The following NWD1 variants were observed in gnomAD, a reference collection of about 807,000 sequenced individuals.
The protein encoded by NWD1 is NACHT domain- and WD repeat-containing protein 1.
NWD1 carries 129 observed loss-of-function variants against 135.1 expected under a neutral mutation model. The ratio of observed to expected loss-of-function variants is 0.96; its 90% CI spans 0.83 to 1.11. The LOEUF is 1.11. Among genes scored for constraint, NWD1 ranks in the 50% least tolerant of loss-of-function variants. The probability of loss-of-function intolerance (pLI) is 0.00; values close to 1 mark genes in which losing one functional copy is unlikely to be tolerated. For synonymous variants in NWD1, 773 were observed against 786.0 expected, an observed-to-expected ratio of 0.98 and a Z score of 0.28; for missense variants, 1,740 against 1,851.3, an observed-to-expected ratio of 0.94 and a Z score of 1.10.
Position 16,742,848 on chromosome 19 carries a change from A to AT in NWD1, c.199-1567dup, listed in dbSNP as rs1224547896. On this transcript the variant is annotated intron_variant, in intron 4 of 18. Transcript: ENST00000524140. ...ACCATGCCTGGCTATTTTTAAAAAA[A>AT]TTTTTTGTAGAGACAGGGTCTCACT... 4.8e-5 allele frequency among the ~76,000 whole-genome samples: 7 copies of AT among 144,574 alleles called. No homozygotes were observed. The East Asian group carries it at 1.5e-3, about 30-fold the overall frequency. The allele number at this position is 144,574 out of a possible 152,430, so 94.8% of individuals were successfully genotyped here.
chr19:16,796,000 T>C (rs926872150), intron 15 of NWD1, among the ~76,000 whole-genome samples: 5 of 152,150 alleles, frequency 3.3e-5, no homozygotes, highest in African/African-American at 4.8e-5. Context: ...GAGAATTTTA[T>C]TGAGCAACAA....
intron 12 of NWD1, among the ~76,000 whole-genome samples, chr19:16,787,866 G>GTAA (rs1229798018): frequency 7.8e-6 from 1 of 127,402 alleles, no homozygotes; most frequent in African/African-American, 3.0e-5. Flanking sequence ...TCTCAAAATA[G>GTAA]TAATAATAAC....
At chr19:16,762,806 A>G (rs1969072889) in intron 8 of NWD1, among the ~76,000 whole-genome samples, 1 of 149,052 alleles carries the variant, frequency 6.7e-6, no homozygotes, top group Non-Finnish European at 1.5e-5. Context: ...TTCCTTCCTG[A>G]CAGAGTCTTG....
chr19:16,743,658 T>A (rs1968178148), intron 4 of NWD1, among the ~76,000 whole-genome samples: 1 of 144,916 alleles, frequency 6.9e-6, no homozygotes, highest in African/African-American at 2.9e-5. Flanking sequence ...CCATACATAT[T>A]TATTTATTTA....
intron 6 of NWD1, 21 bp downstream of exon 6, chr19:16,750,432 A>G: frequency 1.4e-6 from 2 of 1,470,336 alleles, no homozygotes; most frequent in Non-Finnish European, 1.8e-6. Flanking sequence ...GTGTTTTGAA[A>G]CTCTTATTTA....
Position 16,794,442 on chromosome 19 carries a change from G to C in NWD1, c.3214-21G>C, listed in dbSNP as rs540095557. 5.5e-4 allele frequency: 815 copies of C among 1,474,002 alleles called. 6 individuals are homozygous for C. The South Asian group carries it at 8.4e-3, about 15-fold the overall frequency. 91.3% of individuals were successfully genotyped at this position (1,474,002 alleles called of 1,614,324 possible). A position where few individuals can be genotyped will look rare whatever the true frequency, so the allele number is the denominator to read the frequency against. ...CCTTAACCCGTGGAAGTGCCTGACA[G>C]GCATCCCTGGTTCTGCACAGGTTTC... On this transcript the variant is annotated intron_variant, in intron 14 of 18. Transcript: ENST00000524140.
chr19:16,779,243 T>A, intron 11 of NWD1, 100 bp from the exon 12 acceptor site: 1 of 1,367,404 alleles, frequency 7.3e-7, no homozygotes, highest in African/African-American at 1.4e-5. Flanking sequence ...TGTGCCTCAG[T>A]TGTCTTATCT....
rs1967830681 is a variant in NWD1, at chr19:16,736,640, G to T, written c.88G>T (p.Asp30Tyr). Reference sequence around the variant, plus strand: ...TTGTGTTTCTATTTCCCAGGTCGTTGATCTGAGGTGGGGTATTCGGAACAT... The same window carrying T: ...TTGTGTTTCTATTTCCCAGGTCGTTTATCTGAGGTGGGGTATTCGGAACAT... ...QRHGLMFEVVDLRWGIRNIEA... is the reference protein window; with the variant it reads ...QRHGLMFEVVYLRWGIRNIEA... The change falls in exon 4 of 19, where the codon GAT becomes TAT. Residue 30 changes from aspartate (D) to tyrosine (Y), a missense_variant. By Grantham distance (160) the Asp-to-Tyr change is radical (BLOSUM62 -3). Transcript: ENST00000524140. 6.5e-7 allele frequency: 1 copy of T among 1,531,244 alleles called. No homozygotes were observed. The highest frequency in any genetic ancestry group is 8.8e-7 in the Non-Finnish European group (1 of 1,142,500). 94.9% of individuals were successfully genotyped at this position (1,531,244 alleles called of 1,614,324 possible). A position where few individuals can be genotyped will look rare whatever the true frequency, so the allele number is the denominator to read the frequency against.
intron 1 of NWD1, among the ~76,000 whole-genome samples, chr19:16,720,845 A>G (rs8109413): frequency 0.43 from 64,316 of 151,186 alleles, 13,805 homozygotes; most frequent in Middle Eastern, 0.54. Context: ...GAGCCACCGC[A>G]CCTGGCCGAG....
intron 3 of NWD1, among the ~76,000 whole-genome samples, chr19:16,732,654 CAAAA>C (rs759471981): frequency 3.3e-5 from 1 of 30,310 alleles, no homozygotes; most frequent in Non-Finnish European, 5.8e-5. Flanking sequence ...GACTTCATCT[CAAAA>C]AAAAAAAAAA....
At chr19:16,810,656 A>G (rs1219683213) in intron 18 of NWD1, among the ~76,000 whole-genome samples, 7 of 151,648 alleles carry the variant, frequency 4.6e-5, no homozygotes, top group Non-Finnish European at 1.0e-4. Flanking sequence ...CCAGCTAGTT[A>G]GGAGGCTGAG....
In NWD1 at chr19:16,789,077, C is replaced by A. The variant is rs1970154501; in HGVS notation, c.2827C>A (p.Gln943Lys). The A allele has an allele frequency of 6.2e-7, 1 of 1,613,558 alleles. No individual in the cohort carries two copies. The highest frequency in any genetic ancestry group is 1.3e-5 in the African/African-American group (1 of 74,902). Residue 943 changes from glutamine to lysine, a missense_variant, in exon 13 of 19, where the codon CAG (glutamine) becomes AAG (lysine). By Grantham distance (53) the Gln-to-Lys change is moderately conservative. Coordinates refer to ENST00000524140, the MANE Select transcript of NWD1 (RefSeq NM_001007525.5). Reference protein sequence around the residue: ...TLHLWNLLSGQEKFTIWDGGS... With the variant: ...TLHLWNLLSGKEKFTIWDGGS... ...GCACTTGTGGAACTTACTCTCTGGC[C>A]AGGAGAAATTTACCATTTGGGATGG...
chr19:16,731,102 A>G (rs1967541553), intron 2 of NWD1, 90 bp from the exon 3 acceptor site: 4 of 701,436 alleles, frequency 5.7e-6, no homozygotes, highest in Non-Finnish European at 7.1e-6. Flanking sequence ...AAAAAAGACA[A>G]AAGTAAATCA....
intron 18 of NWD1, among the ~76,000 whole-genome samples, chr19:16,813,543 C>A (rs1970986822): frequency 6.6e-6 from 1 of 152,056 alleles, no homozygotes; most frequent in Non-Finnish European, 1.5e-5. Flanking sequence ...GTGGTGCAAT[C>A]TCAGCTCACT....
intron 7 of NWD1, among the ~76,000 whole-genome samples, chr19:16,761,244 TTTTG>T (rs1430876588): frequency 6.6e-6 from 1 of 152,184 alleles, no homozygotes; most frequent in African/African-American, 2.4e-5. Flanking sequence ...ATGGACCAGG[TTTTG>T]TTTATCTTCG....
At chr19:16,730,036 T>C (rs1162915983) in intron 2 of NWD1, among the ~76,000 whole-genome samples, 4 of 151,836 alleles carry the variant, frequency 2.6e-5, no homozygotes, top group Non-Finnish European at 5.9e-5. Context: ...TTTAAAACTA[T>C]TTATGGGCCG....
chr19:16,803,399 G>A (rs1427347633), intron 17 of NWD1, among the ~76,000 whole-genome samples: 1 of 151,790 alleles, frequency 6.6e-6, no homozygotes, highest in East Asian at 1.9e-4. Flanking sequence ...GGAATTTGGT[G>A]GGGGGGTGGG....
chr19:16,747,793 T>C (rs144467750), intron 5 of NWD1, among the ~76,000 whole-genome samples: 295 of 152,310 alleles, frequency 1.9e-3, no homozygotes, highest in African/African-American at 6.9e-3. Flanking sequence ...GTTCTGGACA[T>C]TTCATGTCAA....
chr19:16,738,953 G>C (rs1178035358), intron 4 of NWD1, among the ~76,000 whole-genome samples: 1 of 141,078 alleles, frequency 7.1e-6, no homozygotes, highest in Non-Finnish European at 1.5e-5. Context: ...GGCTGGTTTT[G>C]AACTCCCGGA....
Sources: allele counts gnomAD v4.1 joint callset (sites outside exome capture counted in the v4.1 genomes callset), GRCh38; gene constraint gnomAD v4.1.1; transcripts MANE v1.5; gene names NCBI Gene and HGNC (gene_info 2026-07-23, HGNC 2026-07-21).